Variants in ZNF667 observed in about 807,000 individuals in gnomAD.
The protein encoded by ZNF667 is myocardial ischemic preconditioning upregulated 1 ortholog.
Under a neutral mutation model 31.8 loss-of-function variants are expected in ZNF667, and 13 were observed. The ratio of observed to expected loss-of-function variants is 0.41; its 90% confidence interval spans 0.27 to 0.65. The LOEUF (loss-of-function observed/expected upper bound fraction) is 0.65. ZNF667 is among the 30% of genes least tolerant of loss of function. The pLI, the probability that ZNF667 is intolerant of heterozygous loss-of-function variation, is 0.32. For synonymous variants in ZNF667, 228 were observed against 247.1 expected, an observed-to-expected ratio of 0.92 and a Z score of 0.73; for missense variants, 642 against 725.6, an observed-to-expected ratio of 0.88 and a Z score of 1.32.
intron 6 of ZNF667, among the ~76,000 whole-genome samples, chr19:56,456,918 A>G (rs1343476943): frequency 6.6e-6 from 1 of 152,194 alleles, no homozygotes; most frequent in Non-Finnish European, 1.5e-5. Flanking sequence ...TTCATGTTGA[A>G]ATTAAGATGT....
At chr19:56,468,243 T>C (rs934725488) in intron 3 of ZNF667, 9 of 152,188 alleles carry the variant, frequency 5.9e-5, no homozygotes, top group African/African-American at 2.2e-4. Flanking sequence ...AAAAGAAAAT[T>C]CTTTTTGGAC....
intron 6 of ZNF667, among the ~76,000 whole-genome samples, chr19:56,451,566 A>G (rs555445658): frequency 6.6e-6 from 1 of 152,264 alleles, no homozygotes; most frequent in African/African-American, 2.4e-5. Context: ...ACACAAGACA[A>G]GTCTTAAAAA....
chr19:56,452,977 A>T (rs981371477), intron 6 of ZNF667, among the ~76,000 whole-genome samples: 5 of 152,134 alleles, frequency 3.3e-5, no homozygotes, highest in Admixed American at 6.5e-5. Context: ...AAACATAAAC[A>T]GAATTGACAA....
Position 56,441,407 on chromosome 19 carries a change from T to C in ZNF667, c.1588A>G (p.Lys530Glu). ...IHTGEKPYTC[K>E]TCGKAFSQRT... ...TGACTAAAGGCCTTACCACATGTTT[T>C]GCATGTATATGGCTTCTCTCCAGTG... Residue 530 changes from lysine (K) to glutamate (E), a missense_variant, in exon 7 of 7, where the codon AAA becomes GAA. Lys to Glu is a moderately conservative substitution (Grantham distance 56). Coordinates refer to ENST00000504904, the MANE Select transcript of ZNF667 (RefSeq NM_001321356.2). The surrounding 1 kb of genome is among the most constrained non-coding windows in gnomAD (Gnocchi z 4.2). 1.9e-6 allele frequency: 3 copies of C among 1,614,224 alleles called. No individual in the cohort carries two copies. Among genetic ancestry groups the C allele is most frequent in the Non-Finnish European group, 1.7e-6 (2 of 1,180,044 alleles).
intron 6 of ZNF667, among the ~76,000 whole-genome samples, chr19:56,452,055 T>C (rs1360272407): frequency 1.3e-5 from 2 of 151,492 alleles, no homozygotes; most frequent in African/African-American, 4.8e-5. Context: ...ATCTCTTTTT[T>C]TTTTTTTTTT....
chr19:56,455,742 A>C (rs747535431), intron 6 of ZNF667, among the ~76,000 whole-genome samples: 4 of 152,200 alleles, frequency 2.6e-5, no homozygotes, highest in Non-Finnish European at 5.9e-5. Context: ...ACTTTGTTGT[A>C]CATTTTAGAA....
rs1287878466 is a variant in ZNF667 at position 56,460,868 on chromosome 19, C to A, written c.34-53G>T. 7 of 1,514,914 alleles carry A rather than the reference C, an allele frequency of 4.6e-6. No individual in the cohort carries two copies. In the Admixed American group the frequency reaches 1.5e-4, roughly 32 times the overall value. The allele number at this position is 1,514,914 out of a possible 1,614,324, so 93.8% of individuals were successfully genotyped here. A position where few individuals can be genotyped will look rare whatever the true frequency, so the allele number is the denominator to read the frequency against. On this transcript the variant is annotated intron_variant, in intron 4 of 6. Transcript: ENST00000504904. ...ACCATGGACTTGTGCTTCCACATGG[C>A]TGGAGGAAATGGTGCACACATCTTA...
intron 6 of ZNF667, 24 bp from the exon 7 acceptor site, chr19:56,442,765 T>C (rs1211878387): frequency 6.6e-7 from 1 of 1,504,880 alleles, no homozygotes; most frequent in East Asian, 2.3e-5. Flanking sequence ...AGGAATTAAA[T>C]GTTTCTCCTT....
chr19:56,453,172 T>G (rs1988918), intron 6 of ZNF667, among the ~76,000 whole-genome samples: 58,983 of 151,810 alleles, frequency 0.39, 12,521 homozygotes, highest in East Asian at 0.83. Context: ...GACTGAATCA[T>G]GAAGACATCC....
intron 6 of ZNF667, among the ~76,000 whole-genome samples, chr19:56,445,964 A>G (rs1437996540): frequency 2.0e-5 from 3 of 147,150 alleles, no homozygotes; most frequent in Non-Finnish European, 4.5e-5. Context: ...CCATGATCCA[A>G]TCACCTCCCA....
At chr19:56,458,278 A>G in intron 5 of ZNF667, 31 bp from the exon 6 acceptor site, 1 of 1,601,198 alleles carries the variant, frequency 6.2e-7, no homozygotes, top group South Asian at 1.1e-5. Context: ...GGAAATGATC[A>G]TAAATGTGGG....
chr19:56,475,805 T>G (rs1315189305), intron 1 of ZNF667: 1 of 152,142 alleles, frequency 6.6e-6, no homozygotes, highest in Non-Finnish European at 1.5e-5. Flanking sequence ...ATCAGGAAGA[T>G]CCTTTGTTCC....
chr19:56,467,897 TC>T (rs2043197641), intron 3 of ZNF667: 1 of 152,174 alleles, frequency 6.6e-6, no homozygotes, highest in Non-Finnish European at 1.5e-5. Context: ...ACCCTGTCCT[TC>T]TGAGTTTTTA....
chr19:56,443,530 C>A (rs2042661632), intron 6 of ZNF667, among the ~76,000 whole-genome samples: 1 of 152,112 alleles, frequency 6.6e-6, no homozygotes, highest in South Asian at 2.1e-4. Flanking sequence ...TGTATTGAAT[C>A]CTGTAGGCAA....
intron 4 of ZNF667, among the ~76,000 whole-genome samples, chr19:56,462,058 G>A (rs751877351): frequency 4.5e-4 from 68 of 152,314 alleles, no homozygotes; most frequent in Middle Eastern, 3.4e-3. Context: ...ATTTCTCTTG[G>A]GGAGGGCATT....
chr19:56,462,665 A>C (rs2043072259), intron 3 of ZNF667, among the ~76,000 whole-genome samples: 2 of 152,214 alleles, frequency 1.3e-5, no homozygotes, highest in African/African-American at 4.8e-5. Flanking sequence ...GAGGCAAATA[A>C]GGACTGCACA....
Position 56,442,229 on chromosome 19 carries a change from T to C in ZNF667, c.766A>G (p.Arg256Gly), listed in dbSNP as rs1212968912. Residue 256 changes from arginine (R) to glycine (G), a missense_variant, in exon 7 of 7, where the codon AGA (arginine) becomes GGA (glycine). By Grantham distance (125) the Arg-to-Gly change is moderately radical (BLOSUM62 -2). Transcript: ENST00000504904. ...IHVVGNVCQC[R>G]KCGKAFNQMS... ...TGATTGAAGGCTTTTCCGCACTTTC[T>C]GCACTGGCAGACATTCCCAACAACA... is the stretch of plus-strand genomic sequence containing the variant. The C allele has an allele frequency of 1.2e-6, 2 of 1,614,192 alleles. No individual in the cohort carries two copies. The highest frequency in any genetic ancestry group is 8.5e-7 in the Non-Finnish European group (1 of 1,180,022).
chr19:56,471,109 G>A (rs550163912), intron 3 of ZNF667, among the ~76,000 whole-genome samples: 7 of 152,076 alleles, frequency 4.6e-5, no homozygotes, highest in South Asian at 2.1e-4. Flanking sequence ...TGCTGTTCCC[G>A]TGATAAGAGT....
At chr19:56,470,178 T>C (rs865790951) in intron 3 of ZNF667, 3 of 378,862 alleles carry the variant, frequency 7.9e-6, no homozygotes, top group South Asian at 5.9e-5. Context: ...TATCAGTCAG[T>C]GCTCCGTTAA....
Sources: allele counts gnomAD v4.1 joint callset (sites outside exome capture counted in the v4.1 genomes callset), GRCh38; gene constraint gnomAD v4.1.1; non-coding constraint Gnocchi (gnomAD v3.1); transcripts MANE v1.5; gene names NCBI Gene and HGNC (gene_info 2026-07-23, HGNC 2026-07-21).